Variants in ELL observed in about 807,000 individuals in gnomAD.
The protein encoded by ELL is elongation factor for RNA polymerase II.
ELL carries 18 observed loss-of-function variants against 64.0 expected under a neutral mutation model. That is an observed-to-expected ratio of 0.28 (90% CI 0.19 to 0.42). The LOEUF is 0.42. Among genes scored for constraint, ELL ranks in the 10% least tolerant of loss-of-function variants. The pLI is 1.00. For missense variants in ELL, 797 were observed against 870.4 expected, an observed-to-expected ratio of 0.92 and a Z score of 1.06; for synonymous variants, 399 against 376.2, an observed-to-expected ratio of 1.06 and a Z score of -0.70.
intron 9 of ELL, 115 bp from the exon 10 acceptor site, chr19:18,446,595 T>G (rs535960861): frequency 6.7e-7 from 1 of 1,494,890 alleles, no homozygotes; most frequent in Admixed American, 2.1e-5. Context: ...CCCTGGATTA[T>G]GAGGGGGCCT....
At chr19:18,506,383 G>A (rs909354344) in intron 1 of ELL, among the ~76,000 whole-genome samples, 8 of 152,246 alleles carry the variant, frequency 5.3e-5, no homozygotes, top group African/African-American at 1.9e-4. Flanking sequence ...CTCTCCCCCA[G>A]GGGGAAAGGG....
intron 3 of ELL, 78 bp from the exon 4 acceptor site, chr19:18,465,653 C>T: frequency 6.8e-7 from 1 of 1,479,966 alleles, no homozygotes; most frequent in Admixed American, 2.3e-5. Context: ...AAGCCCCCAG[C>T]CCACCACCTG....
intron 1 of ELL, among the ~76,000 whole-genome samples, chr19:18,498,899 G>A (rs1429569971): frequency 1.3e-5 from 2 of 152,052 alleles, no homozygotes; most frequent in Non-Finnish European, 2.9e-5. Context: ...GCAGTGAGTC[G>A]AGATCACACC....
At chr19:18,471,205 T>G (rs1975058273) in intron 2 of ELL, among the ~76,000 whole-genome samples, 1 of 152,124 alleles carries the variant, frequency 6.6e-6, no homozygotes, top group Non-Finnish European at 1.5e-5. Context: ...AGACTCCGTC[T>G]TTACAAAAAT....
chr19:18,457,766 C>T (rs140490977), intron 6 of ELL, among the ~76,000 whole-genome samples: 35 of 152,278 alleles, frequency 2.3e-4, no homozygotes, highest in African/African-American at 8.2e-4. Flanking sequence ...TGCTTAATGA[C>T]GCCTGCCCTG....
Position 18,449,579 on chromosome 19 carries a change from A to G in ELL, c.1465+898T>C, listed in dbSNP as rs1974479799. ...AGCAACGCAAAGCTATAATGAAAGA[A>G]GGGCTCCCACCCTCATCCCAGGAAT... On this transcript the variant is annotated intron_variant, in intron 8 of 11. Coordinates refer to ENST00000262809, the MANE Select transcript of ELL (RefSeq NM_006532.4). The surrounding 1 kb of genome is among the most constrained non-coding windows in gnomAD (Gnocchi z 4.4). Among the ~76,000 whole-genome samples the G allele has an allele frequency of 6.6e-6, 1 of 152,178 alleles. No individual in the cohort carries two copies. Among genetic ancestry groups the G allele is most frequent in the Non-Finnish European group, 1.5e-5 (1 of 68,016 alleles).
chr19:18,491,941 TTCTC>T (rs1390432063), intron 1 of ELL, among the ~76,000 whole-genome samples: 1 of 152,166 alleles, frequency 6.6e-6, no homozygotes, highest in Non-Finnish European at 1.5e-5. Flanking sequence ...CCTACCTCTC[TTCTC>T]TCTAAATATA....
In ELL at chr19:18,472,494, G is replaced by C. The variant is rs1975083952; in HGVS notation, c.183+341C>G. The C allele has an allele frequency of 2.9e-5, 9 of 312,280 alleles. No individual in the cohort carries two copies. The South Asian group carries it at 8.3e-4, about 29-fold the overall frequency. 19.3% of individuals were successfully genotyped at this position (312,280 alleles called of 1,614,324 possible). ...AGGTGGTCGTGCTCACTCACCCACAGCTCACCTCCTGCTGTGTGGGCAGTT... is the reference window on the plus strand; with the variant it reads ...AGGTGGTCGTGCTCACTCACCCACACCTCACCTCCTGCTGTGTGGGCAGTT... On this transcript the variant is annotated intron_variant, in intron 2 of 11. Coordinates refer to ENST00000262809, the MANE Select transcript of ELL (RefSeq NM_006532.4).
At chr19:18,457,863 T>G (rs984987341) in intron 6 of ELL, among the ~76,000 whole-genome samples, 5 of 152,300 alleles carry the variant, frequency 3.3e-5, no homozygotes, top group Admixed American at 6.5e-5. Flanking sequence ...CCAGGCCCTG[T>G]GGGGATGCCC....
chr19:18,448,778 C>T (rs1974467486), intron 8 of ELL: 1 of 152,226 alleles, frequency 6.6e-6, no homozygotes, highest in Admixed American at 6.5e-5. Flanking sequence ...CCTTGGCAAA[C>T]CTCAGCGGCC....
chr19:18,497,512 C>G (rs560956932), intron 1 of ELL, among the ~76,000 whole-genome samples: 3 of 152,078 alleles, frequency 2.0e-5, no homozygotes, highest in African/African-American at 7.2e-5. Flanking sequence ...AGTGGAAACT[C>G]AGGGCTCCAG....
Position 18,465,585 on chromosome 19 carries a change from A to G in ELL, c.306-10T>C. 6.3e-7 allele frequency: 1 copy of G among 1,577,776 alleles called. No individual in the cohort carries two copies. Among genetic ancestry groups the G allele is most frequent in the Non-Finnish European group, 8.7e-7 (1 of 1,153,900 alleles). On this transcript the variant is annotated splice_polypyrimidine_tract_variant and intron_variant, in intron 3 of 11. Coordinates refer to ENST00000262809, the MANE Select transcript of ELL (RefSeq NM_006532.4). The stretch of plus-strand genomic sequence containing the variant: ...GTGAACTTCCCCATGACTGCAAGAC[A>G]AGGCCAGGAGCTGGGGTCAGCAGCT...
chr19:18,511,392 T>G (rs897249542), intron 1 of ELL, among the ~76,000 whole-genome samples: 6 of 152,120 alleles, frequency 3.9e-5, no homozygotes, highest in African/African-American at 1.4e-4. Flanking sequence ...ATCACGTCAC[T>G]GCACTCCAGC....
chr19:18,463,974 C>T (rs1441455222), intron 4 of ELL, among the ~76,000 whole-genome samples: 2 of 141,560 alleles, frequency 1.4e-5, no homozygotes, highest in Admixed American at 7.0e-5. Context: ...CGACAGACCG[C>T]GACTCCATCT....
chr19:18,480,392 T>C (rs990841012), intron 1 of ELL, among the ~76,000 whole-genome samples: 3 of 152,224 alleles, frequency 2.0e-5, no homozygotes, highest in Non-Finnish European at 4.4e-5. Flanking sequence ...GTGAGCTTGG[T>C]TGGCTCAGGG....
In ELL at chr19:18,449,314, G is replaced by C. The variant is rs1484773673; in HGVS notation, c.1465+1163C>G. Among the ~76,000 whole-genome samples, 1 of 152,054 alleles carries C rather than the reference G, an allele frequency of 6.6e-6. No individual in the cohort carries two copies. Among genetic ancestry groups the C allele is most frequent in the Non-Finnish European group, 1.5e-5 (1 of 67,984 alleles). ...GGCCCAGGTCTGGCTGTGGGGTGTG[G>C]GTGTGTCCTGGGAATCAGGAGTCCT... On this transcript the variant is annotated intron_variant, in intron 8 of 11. Transcript: ENST00000262809. This position sits in a 1 kb window ranked among gnomAD's most constrained non-coding sequence, Gnocchi z 4.4.
At chr19:18,465,651 AGCC>A (rs1974917827) in intron 3 of ELL, 76 bp from the exon 4 acceptor site, 2 of 1,480,458 alleles carry the variant, frequency 1.4e-6, no homozygotes, top group African/African-American at 2.9e-5. Flanking sequence ...CCAAGCCCCC[AGCC>A]CACCACCTGG....
At chr19:18,482,309 T>C (rs1379932637) in intron 1 of ELL, among the ~76,000 whole-genome samples, 1 of 55,258 alleles carries the variant, frequency 1.8e-5, no homozygotes, top group Non-Finnish European at 3.2e-5. Context: ...TTTTCATTCC[T>C]TTTTTTTTTT....
chr19:18,521,045 G>T (rs1976258286), intron 1 of ELL, among the ~76,000 whole-genome samples: 1 of 151,996 alleles, frequency 6.6e-6, no homozygotes, highest in African/African-American at 2.4e-5. Flanking sequence ...CACCAGCCAG[G>T]TGGCAGAACC....
Sources: allele counts gnomAD v4.1 joint callset (sites outside exome capture counted in the v4.1 genomes callset), GRCh38; gene constraint gnomAD v4.1.1; non-coding constraint Gnocchi (gnomAD v3.1); transcripts MANE v1.5; gene names NCBI Gene and HGNC (gene_info 2026-07-23, HGNC 2026-07-21).